Variants in DLG2 observed in about 807,000 individuals in gnomAD.
The protein encoded by DLG2 is discs large MAGUK scaffold protein 2.
Under a neutral mutation model 132.5 loss-of-function variants are expected in DLG2, and 45 were observed. That is an observed-to-expected ratio of 0.34 (90% CI 0.27 to 0.44). The LOEUF is 0.44. DLG2 is among the 20% of genes least tolerant of loss of function. The probability of loss-of-function intolerance (pLI) is 1.00; values close to 1 mark genes in which losing one functional copy is unlikely to be tolerated. For synonymous variants in DLG2, 424 were observed against 419.6 expected, an observed-to-expected ratio of 1.01 and a Z score of -0.13; for missense variants, 1,045 against 1,196.9, an observed-to-expected ratio of 0.87 and a Z score of 1.87.
At chr11:84,421,936 T>C (rs933760281) in intron 7 of DLG2, among the ~76,000 whole-genome samples, 8 of 152,206 alleles carry the variant, frequency 5.3e-5, no homozygotes, top group Middle Eastern at 3.2e-3. Flanking sequence ...AGGCCTCCTG[T>C]GGCTCCACTC....
chr11:84,672,342 G>A (rs1003313389), intron 6 of DLG2, among the ~76,000 whole-genome samples: 1 of 152,110 alleles, frequency 6.6e-6, no homozygotes, highest in South Asian at 2.1e-4. Flanking sequence ...GGTAGGGTAC[G>A]TAGAAGCATA....
chr11:84,930,954 T>G (rs530309694), intron 6 of DLG2, among the ~76,000 whole-genome samples: 1 of 152,098 alleles, frequency 6.6e-6, no homozygotes, highest in African/African-American at 2.4e-5. Context: ...TCTGACTTCT[T>G]AACACATTGA....
intron 8 of DLG2, among the ~76,000 whole-genome samples, chr11:84,244,777 T>C (rs1451204986): frequency 6.6e-6 from 1 of 152,312 alleles, no homozygotes; most frequent in South Asian, 2.1e-4. Context: ...TGTTGAAAGA[T>C]AAATGTACTA....
chr11:85,060,870 GTTTT>G (rs569122305), intron 6 of DLG2, among the ~76,000 whole-genome samples: 5 of 148,060 alleles, frequency 3.4e-5, no homozygotes, highest in Admixed American at 2.0e-4. Context: ...TTTTTTTGTT[GTTTT>G]TTTTTGTTTG....
chr11:83,998,183 G>C (rs1269826258), intron 11 of DLG2, among the ~76,000 whole-genome samples: 1 of 152,048 alleles, frequency 6.6e-6, no homozygotes, highest in African/African-American at 2.4e-5. Context: ...AGTGGAGGAG[G>C]AGCACACTCT....
At chr11:84,308,695 C>T (rs1260534759) in intron 7 of DLG2, among the ~76,000 whole-genome samples, 1 of 152,142 alleles carries the variant, frequency 6.6e-6, no homozygotes, top group African/African-American at 2.4e-5. Flanking sequence ...GGGGAGGCAG[C>T]TAAGGCCCGT....
At chr11:84,815,196 G>T (rs896654604) in intron 6 of DLG2, among the ~76,000 whole-genome samples, 1 of 152,058 alleles carries the variant, frequency 6.6e-6, no homozygotes, top group Non-Finnish European at 1.5e-5. Flanking sequence ...TAAGAAAGAG[G>T]CTTTGCTTTA....
chr11:84,860,324 C>T (rs1201439874), intron 6 of DLG2, among the ~76,000 whole-genome samples: 1 of 152,072 alleles, frequency 6.6e-6, no homozygotes, highest in Non-Finnish European at 1.5e-5. Flanking sequence ...ACCACCTCAA[C>T]ACTAATCCCA....
At chr11:84,095,847 A>C (rs2097158368) in intron 10 of DLG2, among the ~76,000 whole-genome samples, 1 of 152,150 alleles carries the variant, frequency 6.6e-6, no homozygotes, top group Non-Finnish European at 1.5e-5. Flanking sequence ...GCACTGTACA[A>C]AGTTTTGCAG....
In DLG2 at chr11:83,939,384, C is replaced by A. The variant is rs1591461805; in HGVS notation, c.1341-8901G>T. On this transcript the variant is annotated intron_variant, in intron 14 of 27. Coordinates refer to ENST00000376104, the MANE Select transcript of DLG2 (RefSeq NM_001142699.3). The stretch of plus-strand genomic sequence containing the variant: ...GTTCTGTTGAGTATACTCCCCACAT[C>A]TTCATATTCTTAGCCAGTACTATGA... Among the ~76,000 whole-genome samples, 3 of 152,058 alleles carry A rather than the reference C, an allele frequency of 2.0e-5. No individual in the cohort carries two copies. The South Asian group carries it at 6.2e-4, about 32-fold the overall frequency.
At chr11:84,592,500 C>T (rs1414253831) in intron 6 of DLG2, among the ~76,000 whole-genome samples, 1 of 151,980 alleles carries the variant, frequency 6.6e-6, no homozygotes, top group Non-Finnish European at 1.5e-5. Context: ...TTCTACACAG[C>T]AAAAGAAACT....
chr11:85,371,697 A>T, intron 3 of DLG2, among the ~76,000 whole-genome samples: 1 of 152,194 alleles, frequency 6.6e-6, no homozygotes, highest in East Asian at 1.9e-4. Flanking sequence ...ATGTCACTTT[A>T]TAACAGGGAT....
chr11:85,357,731 TA>T (rs1436461617), intron 3 of DLG2, among the ~76,000 whole-genome samples: 31 of 9,376 alleles, frequency 3.3e-3, no homozygotes, highest in East Asian at 0.015. Context: ...TATATATATA[TA>T]TATATATATA....
chr11:85,437,553 G>A (rs763753065), intron 3 of DLG2, among the ~76,000 whole-genome samples: 2 of 152,054 alleles, frequency 1.3e-5, no homozygotes, highest in Non-Finnish European at 2.9e-5. Flanking sequence ...TGTCCTCAGT[G>A]ACCTAGTAGG....
chr11:83,718,003 A>G (rs888914310), intron 18 of DLG2, among the ~76,000 whole-genome samples: 1 of 152,200 alleles, frequency 6.6e-6, no homozygotes, highest in Admixed American at 6.5e-5. Flanking sequence ...GGGAGTAAAG[A>G]CGGCTTTACC....
In DLG2 at chr11:83,962,896, G is replaced by A. The variant is rs182070983; in HGVS notation, c.1329C>T (p.Asp443=). ...CAGGCATATCTGACCTGGTGTAGTC[G>A]TCGTCAACAAGCATGTGCTTTGGAA... The part of the protein sequence containing the change: ...SPIPKHMLVD[D]DYTRPPEPVY... The change falls in exon 14 of 28, where the codon GAC becomes GAT. Residue 443 remains aspartate, a synonymous_variant. Coordinates refer to ENST00000376104, the MANE Select transcript of DLG2 (RefSeq NM_001142699.3). The A allele has an allele frequency of 2.8e-5, 45 of 1,612,766 alleles. 1 individual carries two copies. The Admixed American group carries it at 3.0e-4, about 11-fold the overall frequency.
intron 6 of DLG2, among the ~76,000 whole-genome samples, chr11:84,683,548 C>T (rs1412144785): frequency 6.6e-6 from 1 of 152,090 alleles, no homozygotes; most frequent in Non-Finnish European, 1.5e-5. Context: ...AAAATACCAG[C>T]CTCCAAGAAA....
rs144365989 is a variant in DLG2 at position 84,054,768 on chromosome 11, C to G, written c.919+4547G>C. Among the ~76,000 whole-genome samples, 761 of 152,110 alleles carry G rather than the reference C, an allele frequency of 5.0e-3. 5 individuals carry two copies. Among genetic ancestry groups the G allele is most frequent in the Middle Eastern group, 0.014 (4 of 294 alleles). ...TTGAAAAACTGTAAATTTAATTTGC[C>G]ACAAATCACTGTTTCACAGAATCTC... On this transcript the variant is annotated intron_variant, in intron 11 of 27. Transcript: ENST00000376104.
chr11:84,837,361 C>A lies in DLG2; in HGVS notation c.357+274300G>T, dbSNP rs2079962310. On this transcript the variant is annotated intron_variant, in intron 6 of 27. Transcript: ENST00000376104. ...ACACCATTGTTTAAATAAGGAAGAT[C>A]ACTGAATATCTCAGTTTGAAGACAC... 1.3e-5 allele frequency among the ~76,000 whole-genome samples: 2 copies of A among 151,588 alleles called. 1 individual carries two copies. The highest frequency in any genetic ancestry group is 4.2e-4 in the South Asian group (2 of 4,812).
Sources: gnomAD v4.1 joint callset for allele counts (sites outside exome capture counted in the v4.1 genomes callset) on GRCh38, gnomAD v4.1.1 for gene constraint, MANE v1.5 for transcripts, NCBI Gene and HGNC (gene_info 2026-07-23, HGNC 2026-07-21) for gene names.